The following BCAT1 variants were observed in gnomAD, a reference collection of about 807,000 sequenced individuals.
The protein encoded by BCAT1 is branched chain amino acid transaminase 1.
Under a neutral mutation model 52.4 loss-of-function variants are expected in BCAT1, and 48 were observed. The ratio of observed to expected loss-of-function variants is 0.92; its 90% confidence interval spans 0.73 to 1.16. BCAT1 has a LOEUF of 1.16. BCAT1 is among the 50% of genes most tolerant of loss of function. BCAT1 has a pLI of 0.00. For synonymous variants in BCAT1, 167 were observed against 161.3 expected, an observed-to-expected ratio of 1.04 and a Z score of -0.27; for missense variants, 451 against 457.1, an observed-to-expected ratio of 0.99 and a Z score of 0.12.
At chr12:24,828,587 C>A (rs1425885632) in intron 10 of BCAT1, among the ~76,000 whole-genome samples, 1 of 151,982 alleles carries the variant, frequency 6.6e-6, no homozygotes, top group Non-Finnish European at 1.5e-5. Flanking sequence ...TTCAATTAAA[C>A]TTTATAAATG....
At chr12:24,939,730 G>A (rs938038613) in intron 1 of BCAT1, among the ~76,000 whole-genome samples, 7 of 152,108 alleles carry the variant, frequency 4.6e-5, no homozygotes, top group Admixed American at 1.3e-4. Flanking sequence ...CCAGCTACTC[G>A]GGAGGCTGAG....
intron 2 of BCAT1, 86 bp downstream of exon 2, chr12:24,901,728 G>C (rs1216210456): frequency 1.4e-6 from 2 of 1,402,538 alleles, no homozygotes; most frequent in Non-Finnish European, 2.0e-6. Context: ...AACCCACACA[G>C]TGAAAATTTC....
chr12:24,836,821 AGAAG>A (rs1395116564), intron 7 of BCAT1, among the ~76,000 whole-genome samples: 9 of 101,232 alleles, frequency 8.9e-5, no homozygotes, highest in East Asian at 2.4e-4. Context: ...AAGGAAGGAA[AGAAG>A]GAAGGAAGGA....
chr12:24,877,164 C>T (rs1286152847), intron 5 of BCAT1, among the ~76,000 whole-genome samples: 2 of 152,298 alleles, frequency 1.3e-5, no homozygotes, highest in Admixed American at 6.5e-5. Flanking sequence ...TATCTCTCTA[C>T]CTTTTGCATT....
At chr12:24,948,352 A>C (rs527993731) in intron 1 of BCAT1, among the ~76,000 whole-genome samples, 1 of 152,348 alleles carries the variant, frequency 6.6e-6, no homozygotes, top group East Asian at 1.9e-4. Context: ...TCACTGGTTT[A>C]ACAAATGAAT....
intron 1 of BCAT1, among the ~76,000 whole-genome samples, chr12:24,926,372 G>T (rs140728871): frequency 0.039 from 5,888 of 151,616 alleles, 123 homozygotes; most frequent in South Asian, 0.066. Flanking sequence ...CCCCGTCCGG[G>T]AGGGAGGTTG....
intron 1 of BCAT1, among the ~76,000 whole-genome samples, chr12:24,944,652 C>A (rs570966117): frequency 1.4e-4 from 22 of 151,796 alleles, no homozygotes; most frequent in African/African-American, 4.8e-4. Flanking sequence ...AGGGATAAAC[C>A]GTAAATGCAA....
At chr12:24,822,412 G>A (rs556677386) in intron 10 of BCAT1, among the ~76,000 whole-genome samples, 1 of 152,206 alleles carries the variant, frequency 6.6e-6, no homozygotes, top group African/African-American at 2.4e-5. Context: ...TTCGGTGGCT[G>A]TTGTTGGCCT....
chr12:24,887,080 A>AAAAAAATAT lies in BCAT1; in HGVS notation c.280-5670_280-5669insATATTTTTT, dbSNP rs1245203518. 3.6e-3 allele frequency among the ~76,000 whole-genome samples: 146 copies of AAAAAAATAT among 40,696 alleles called. 4 individuals carry two copies. Among genetic ancestry groups the AAAAAAATAT allele is most frequent in the Non-Finnish European group, 5.9e-3 (112 of 19,018 alleles). 26.7% of individuals were successfully genotyped at this position (40,696 alleles called of 152,430 possible). A position where few individuals can be genotyped will look rare whatever the true frequency, so the allele number is the denominator to read the frequency against. On this transcript the variant is annotated intron_variant, in intron 3 of 10. Transcript: ENST00000261192. The stretch of plus-strand genomic sequence containing the variant: ...GCTAGCTAAAAAAAAAAAAAAAAAA[A>AAAAAAATAT]ATATATATATATATATATATATATA...
rs2139279190 is a variant in BCAT1 at position 24,812,166 on chromosome 12, C to G, written c.*5842G>C. The G allele has an allele frequency of 6.6e-6, 1 of 152,010 alleles. No individual in the cohort carries two copies. The highest frequency in any genetic ancestry group is 2.1e-4 in the South Asian group (1 of 4,818). 9.4% of individuals were successfully genotyped at this position (152,010 alleles called of 1,614,324 possible). A position where few individuals can be genotyped will look rare whatever the true frequency, so the allele number is the denominator to read the frequency against. ...CAGAAATTTACATTCCTTTCTTAAC[C>G]CTGAGAATGAGTTTAATGATCATAG... is the stretch of plus-strand genomic sequence containing the variant. On this transcript the variant is annotated 3_prime_UTR_variant, in exon 11 of 11. Coordinates refer to ENST00000261192, the MANE Select transcript of BCAT1 (RefSeq NM_005504.7).
In BCAT1 at chr12:24,934,142, C is replaced by T. The variant is rs187322965; in HGVS notation, c.6+14785G>A. Among the ~76,000 whole-genome samples, 6 of 152,296 alleles carry T rather than the reference C, an allele frequency of 3.9e-5. No homozygotes were observed. The East Asian group carries it at 9.7e-4, about 25-fold the overall frequency. On this transcript the variant is annotated intron_variant, in intron 1 of 10. Coordinates refer to ENST00000261192, the MANE Select transcript of BCAT1 (RefSeq NM_005504.7). ...TTTTCATTTAAAAGAAAAGCCTTAC[C>T]AAGGACTCCCGTACCCTCACTATCT...
At chr12:24,871,163 G>T (rs1251699680) in intron 5 of BCAT1, among the ~76,000 whole-genome samples, 10 of 152,128 alleles carry the variant, frequency 6.6e-5, no homozygotes, top group Admixed American at 6.5e-4. Context: ...AGGAGACCAG[G>T]CCATTCCCGA....
In BCAT1 at chr12:24,829,835, T is replaced by C. The variant is rs1281656260; in HGVS notation, c.1107A>G (p.Leu369=). 1 of 1,609,778 alleles carries C rather than the reference T, an allele frequency of 6.2e-7. No homozygotes were observed. Among genetic ancestry groups the C allele is most frequent in the South Asian group, 1.1e-5 (1 of 90,192 alleles). ...AGAAAAGCTTTACCTGGATATCAGT[T>C]AATTTGCTCAAGATGCGGCTTGCCA... is the stretch of plus-strand genomic sequence containing the variant. ...PKLASRILSK[L]TDIQYGREES... The change falls in exon 10 of 11, where the codon TTA becomes TTG. Residue 369 remains leucine, a synonymous_variant. Transcript: ENST00000261192.
chr12:24,822,659 C>T (rs752226872), intron 10 of BCAT1, among the ~76,000 whole-genome samples: 4 of 152,170 alleles, frequency 2.6e-5, no homozygotes, highest in African/African-American at 9.7e-5. Flanking sequence ...ATAACTGAGA[C>T]GTGCTCTTCA....
chr12:24,843,379 G>A (rs1338762079), intron 6 of BCAT1, among the ~76,000 whole-genome samples: 7 of 152,134 alleles, frequency 4.6e-5, no homozygotes, highest in African/African-American at 1.4e-4. Context: ...TAAGATGGGC[G>A]GATCACTGAG....
At chr12:24,947,549 C>A (rs1283335545) in intron 1 of BCAT1, among the ~76,000 whole-genome samples, 2 of 152,156 alleles carry the variant, frequency 1.3e-5, no homozygotes, top group Non-Finnish European at 2.9e-5. Flanking sequence ...TTAATGGAAC[C>A]TTCCATACTT....
At chr12:24,897,544 C>T (rs1591852640) in intron 2 of BCAT1, among the ~76,000 whole-genome samples, 1 of 152,062 alleles carries the variant, frequency 6.6e-6, no homozygotes, top group East Asian at 1.9e-4. Context: ...GCCCTGTATC[C>T]AGTTTTGTTT....
At position 24,875,677 on chromosome 12, in the gene BCAT1, A is replaced by G. The variant is rs1346003417; in HGVS notation, c.510+2853T>C. Among the ~76,000 whole-genome samples the G allele has an allele frequency of 1.3e-5, 2 of 152,210 alleles. 1 individual carries two copies. Among genetic ancestry groups the G allele is most frequent in the East Asian group, 3.8e-4 (2 of 5,202 alleles). Reference sequence around the variant, plus strand: ...TCAGAGTCTCTGGAGCTTGGATTCCATATGTGTATTTTAAATAACACCTCG... The same window carrying G: ...TCAGAGTCTCTGGAGCTTGGATTCCGTATGTGTATTTTAAATAACACCTCG... On this transcript the variant is annotated intron_variant, in intron 5 of 10. Coordinates refer to ENST00000261192, the MANE Select transcript of BCAT1 (RefSeq NM_005504.7).
chr12:24,935,282 C>T (rs12423866), intron 1 of BCAT1, among the ~76,000 whole-genome samples: 24,289 of 152,232 alleles, frequency 0.16, 2,496 homozygotes, highest in Non-Finnish European at 0.23. Context: ...TTTGTCCTCA[C>T]GTGGACATGA....
Sources: gnomAD v4.1 joint callset for allele counts (sites outside exome capture counted in the v4.1 genomes callset) on GRCh38, gnomAD v4.1.1 for gene constraint, MANE v1.5 for transcripts, NCBI Gene and HGNC (gene_info 2026-07-23, HGNC 2026-07-21) for gene names.